The following HECTD4 variants were observed in gnomAD, a reference collection of about 807,000 sequenced individuals.
The protein encoded by HECTD4 is HECT domain E3 ubiquitin protein ligase 4.
HECTD4 carries 114 observed loss-of-function variants against 471.5 expected under a neutral mutation model. That is an observed-to-expected ratio of 0.24 (90% CI 0.21 to 0.28). The LOEUF is 0.28. Among genes scored for constraint, HECTD4 ranks in the 10% least tolerant of loss-of-function variants. The pLI is 1.00. For missense variants in HECTD4, 3,866 were observed against 5,651.5 expected, an observed-to-expected ratio of 0.68 and a Z score of 10.13; for synonymous variants, 2,012 against 2,256.0, an observed-to-expected ratio of 0.89 and a Z score of 3.07.
chr12:112,286,849 A>G (rs560354529), intron 7 of HECTD4, among the ~76,000 whole-genome samples: 2 of 151,998 alleles, frequency 1.3e-5, no homozygotes, highest in East Asian at 3.9e-4. Flanking sequence ...CCTCAACTCA[A>G]CCCTCTCTCA....
chr12:112,252,430 G>A lies in HECTD4; in HGVS notation c.3546C>T (p.Arg1182=), dbSNP rs763007739. ...KAMWGFACTV[R]AQESSEDVSG... ...AGTGGTTAGATTCAAGTACCTGAGC[G>A]CGAACTGTGCAAGCAAAGCCCCACA... is the stretch of plus-strand genomic sequence containing the variant. Residue 1182 remains arginine, a synonymous_variant, in exon 23 of 76, where the codon CGC becomes CGT. Coordinates refer to ENST00000682272, the MANE Select transcript of HECTD4 (RefSeq NM_001388303.1). The A allele has an allele frequency of 1.1e-5, 18 of 1,597,790 alleles. No individual in the cohort carries two copies. The highest frequency in any genetic ancestry group is 1.1e-4 in the Admixed American group (6 of 56,070).
intron 20 of HECTD4, 89 bp downstream of exon 20, chr12:112,258,407 T>C (rs2034071898): frequency 1.1e-5 from 10 of 905,914 alleles, no homozygotes; most frequent in Middle Eastern, 2.3e-4. Context: ...AGATAATCCT[T>C]GCTAAAAATC....
Position 112,382,319 on chromosome 12 carries a change from C to T in HECTD4, c.-191G>A. The T allele has an allele frequency of 4.6e-6, 2 of 436,594 alleles. No individual in the cohort carries two copies. Among genetic ancestry groups the T allele is most frequent in the Non-Finnish European group, 7.3e-6 (2 of 274,882 alleles). The allele number at this position is 436,594 out of a possible 1,614,324, so 27.0% of individuals were successfully genotyped here. On this transcript the variant is annotated 5_prime_UTR_variant, in exon 1 of 76. Coordinates refer to ENST00000682272, the MANE Select transcript of HECTD4 (RefSeq NM_001388303.1). Reference sequence around the variant, plus strand: ...TACCCCCGACCCCGGCCCGGGAGACCCCGGCCCTGCCGCCGCCGCCGCCGC... The same window carrying T: ...TACCCCCGACCCCGGCCCGGGAGACTCCGGCCCTGCCGCCGCCGCCGCCGC...
chr12:112,324,161 C>G (rs1323220858), intron 1 of HECTD4, among the ~76,000 whole-genome samples: 1 of 147,176 alleles, frequency 6.8e-6, no homozygotes, highest in African/African-American at 2.5e-5. Flanking sequence ...CTCACCCAGG[C>G]TGGAGTACAG....
At chr12:112,314,143 A>G (rs1038256247) in intron 3 of HECTD4, among the ~76,000 whole-genome samples, 1 of 152,056 alleles carries the variant, frequency 6.6e-6, no homozygotes, top group African/African-American at 2.4e-5. Context: ...GCCTCAAGCA[A>G]TCCTCCTGCT....
chr12:112,367,558 G>A (rs909601674), intron 1 of HECTD4, among the ~76,000 whole-genome samples: 1 of 151,802 alleles, frequency 6.6e-6, no homozygotes, highest in Non-Finnish European at 1.5e-5. Flanking sequence ...AGTGGCTCAC[G>A]CCTGTAATTC....
intron 8 of HECTD4, 21 bp from the exon 9 acceptor site, chr12:112,279,407 G>A (rs764740873): frequency 6.4e-7 from 1 of 1,568,620 alleles, no homozygotes; most frequent in Non-Finnish European, 8.6e-7. Flanking sequence ...GAATGAAAAT[G>A]CTAAATCAAA....
intron 6 of HECTD4, among the ~76,000 whole-genome samples, chr12:112,306,513 T>G (rs2035273699): frequency 6.6e-6 from 1 of 152,240 alleles, no homozygotes; most frequent in Admixed American, 6.5e-5. Context: ...AAAAAGTATT[T>G]ACTAAACACT....
chr12:112,163,525 G>T lies in HECTD4; in HGVS notation c.12897+17C>A. ...GGCTCACCACCTCCCCGCCCAGCCT[G>T]GCCCTGGGATGTCTACCTTGAGGAA... On this transcript the variant is annotated intron_variant, in intron 74 of 75. Coordinates refer to ENST00000682272, the MANE Select transcript of HECTD4 (RefSeq NM_001388303.1). This position sits in a 1 kb window ranked among gnomAD's most constrained non-coding sequence, Gnocchi z 8.2. 1 of 1,452,068 alleles carries T rather than the reference G, an allele frequency of 6.9e-7. No individual in the cohort carries two copies. The highest frequency in any genetic ancestry group is 9.1e-7 in the Non-Finnish European group (1 of 1,098,640). The allele number at this position is 1,452,068 out of a possible 1,614,324, so 89.9% of individuals were successfully genotyped here. A position where few individuals can be genotyped will look rare whatever the true frequency, so the allele number is the denominator to read the frequency against.
At chr12:112,227,062 T>C (rs2033258601) in intron 43 of HECTD4, among the ~76,000 whole-genome samples, 1 of 152,246 alleles carries the variant, frequency 6.6e-6, no homozygotes, top group Admixed American at 6.5e-5. Flanking sequence ...TTAAAAGCTT[T>C]TCCTAACTTT....
intron 1 of HECTD4, among the ~76,000 whole-genome samples, chr12:112,339,394 C>T (rs1322665193): frequency 1.3e-5 from 2 of 150,354 alleles, no homozygotes; most frequent in African/African-American, 5.0e-5. Flanking sequence ...CTAAAATAAG[C>T]CCTATATTGT....
chr12:112,269,272 G>C (rs1456415654), intron 13 of HECTD4, among the ~76,000 whole-genome samples: 1 of 152,102 alleles, frequency 6.6e-6, no homozygotes, highest in African/African-American at 2.4e-5. Flanking sequence ...CATAAAACAG[G>C]TGCTATTTTT....
chr12:112,187,380 T>A (rs2137032202), intron 60 of HECTD4, among the ~76,000 whole-genome samples: 1 of 152,276 alleles, frequency 6.6e-6, no homozygotes, highest in South Asian at 2.1e-4. Flanking sequence ...TTTGAATGTA[T>A]GTATGTATGA....
Position 112,184,411 on chromosome 12 carries a change from G to A in HECTD4, c.10555C>T (p.Pro3519Ser), listed in dbSNP as rs1477664703. 1.2e-6 allele frequency: 2 copies of A among 1,605,992 alleles called. No homozygotes were observed. The highest frequency in any genetic ancestry group is 2.2e-5 in the East Asian group (1 of 44,714). ...VDPLPAGLEL[P>S]IPPGLLEPHA... ...GGCTCCAACAGGCCCGGAGGGATGGGCAGCTCGAGGCCGGCAGGCAGCGGA... is the reference window on the plus strand; with the variant it reads ...GGCTCCAACAGGCCCGGAGGGATGGACAGCTCGAGGCCGGCAGGCAGCGGA... Residue 3519 changes from proline (P) to serine (S), a missense_variant, in exon 61 of 76, where the codon CCC becomes TCC. Around this residue, in one of 16 missense-constraint regions of HECTD4, gnomAD observed 192 missense variants for 189.9 expected, o/e 1.01. Transcript: ENST00000682272. The surrounding 1 kb of genome is among the most constrained non-coding windows in gnomAD (Gnocchi z 9.1).
chr12:112,195,232 T>G (rs1170242350), intron 55 of HECTD4, among the ~76,000 whole-genome samples, 166 bp from the exon 56 acceptor site: 1 of 152,234 alleles, frequency 6.6e-6, no homozygotes, highest in Non-Finnish European at 1.5e-5. Flanking sequence ...AAAAGTCACA[T>G]TAAGTTATAT....
chr12:112,282,704 C>A (rs1279603471), intron 8 of HECTD4, among the ~76,000 whole-genome samples: 1 of 152,134 alleles, frequency 6.6e-6, no homozygotes, highest in Non-Finnish European at 1.5e-5. Context: ...AATTAAAAAA[C>A]TAAATGATAA....
At chr12:112,309,146 G>A (rs1192725910) in intron 5 of HECTD4, among the ~76,000 whole-genome samples, 4 of 152,180 alleles carry the variant, frequency 2.6e-5, no homozygotes, top group Non-Finnish European at 4.4e-5. Context: ...CTTTCAAACT[G>A]TAGTTTCTTT....
Position 112,193,663 on chromosome 12 carries a change from T to C in HECTD4, c.8761A>G (p.Ser2921Gly), listed in dbSNP as rs1186324484. The C allele has an allele frequency of 6.2e-7, 1 of 1,611,718 alleles. No homozygotes were observed. Among genetic ancestry groups the C allele is most frequent in the African/African-American group, 1.3e-5 (1 of 74,862 alleles). Reference protein sequence around the residue: ...LAPPLPDGTISSSSILLAQSL... With the variant: ...LAPPLPDGTIGSSSILLAQSL... ...TGCGCCAGGAGGATCGAGCTGGAGC[T>C]GATGGTGCCGTCTGGGGACGGAAAG... Residue 2921 changes from serine to glycine, a missense_variant, in exon 57 of 76, where the codon AGC becomes GGC. Transcript: ENST00000682272. This position sits in a 1 kb window ranked among gnomAD's most constrained non-coding sequence, Gnocchi z 5.2.
At chr12:112,251,558 CTG>C (rs985308284) in intron 23 of HECTD4, among the ~76,000 whole-genome samples, 3 of 152,184 alleles carry the variant, frequency 2.0e-5, no homozygotes, top group African/African-American at 7.2e-5. Flanking sequence ...TGGGTGTCCT[CTG>C]TGTGCCAGCC....
Sources: allele counts gnomAD v4.1 joint callset (sites outside exome capture counted in the v4.1 genomes callset), GRCh38; gene constraint gnomAD v4.1.1; regional missense constraint gnomAD v4.1.1; non-coding constraint Gnocchi (gnomAD v3.1); transcripts MANE v1.5; gene names NCBI Gene and HGNC (gene_info 2026-07-23, HGNC 2026-07-21).